ARF4: variants seen among roughly 807,000 people sequenced by gnomAD.
ARF4 encodes ARF GTPase 4, also known as ADP-ribosylation factor 4.
ARF4 carries 5 observed loss-of-function variants against 24.3 expected under a neutral mutation model. The observed-to-expected ratio is 0.21, with a 90% confidence interval of 0.11 to 0.43. The LOEUF (loss-of-function observed/expected upper bound fraction) is 0.43, where lower values mean the gene tolerates loss of function less well. Among genes scored for constraint, ARF4 ranks in the 20% least tolerant of loss-of-function variants. The pLI, the probability that ARF4 is intolerant of heterozygous loss-of-function variation, is 1.00. For synonymous variants in ARF4, 62 were observed against 73.5 expected, an observed-to-expected ratio of 0.84 and a Z score of 0.80; for missense variants, 107 against 213.0, an observed-to-expected ratio of 0.50 and a Z score of 3.10.
intron 3 of ARF4, among the ~76,000 whole-genome samples, chr3:57,583,249 G>T (rs952364481): frequency 6.6e-6 from 1 of 152,142 alleles, no homozygotes; most frequent in Non-Finnish European, 1.5e-5. Flanking sequence ...TGATTGATAT[G>T]CATATTAAAG....
chr3:57,596,921 C>G, intron 1 of ARF4, 153 bp downstream of exon 1: 1 of 738,716 alleles, frequency 1.4e-6, no homozygotes, highest in Non-Finnish European at 2.2e-6. Context: ...ACCCTCCGCT[C>G]CATTGTTCCC....
chr3:57,591,745 G>A (rs569925424), intron 1 of ARF4, among the ~76,000 whole-genome samples: 27 of 152,234 alleles, frequency 1.8e-4, no homozygotes, highest in Non-Finnish European at 2.6e-4. Context: ...GATTACAGGC[G>A]TGAGCCACCG....
intron 5 of ARF4, among the ~76,000 whole-genome samples, chr3:57,573,772 G>C (rs928679422): frequency 4.6e-5 from 7 of 152,126 alleles, no homozygotes; most frequent in Non-Finnish European, 1.0e-4. Context: ...AGTAGAGACA[G>C]AGTTTTACCA....
intron 1 of ARF4, among the ~76,000 whole-genome samples, chr3:57,585,239 T>C (rs534333563): frequency 6.6e-6 from 1 of 152,342 alleles, no homozygotes; most frequent in South Asian, 2.1e-4. Flanking sequence ...TCTTAAGATT[T>C]GTAAAAATAT....
intron 3 of ARF4, among the ~76,000 whole-genome samples, chr3:57,581,652 T>C (rs954039726): frequency 1.3e-5 from 2 of 152,002 alleles, no homozygotes; most frequent in African/African-American, 4.8e-5. Flanking sequence ...AATACAAAAT[T>C]AGCCAGGTGT....
At chr3:57,589,737 C>T (rs576002695) in intron 1 of ARF4, among the ~76,000 whole-genome samples, 416 of 149,044 alleles carry the variant, frequency 2.8e-3, no homozygotes, top group Non-Finnish European at 4.9e-3. Context: ...AACAAAAAAC[C>T]CAAAAAAACA....
At chr3:57,585,787 G>A (rs935296764) in intron 1 of ARF4, among the ~76,000 whole-genome samples, 7 of 150,828 alleles carry the variant, frequency 4.6e-5, no homozygotes, top group Admixed American at 6.7e-5. Context: ...CTCAGCTTCC[G>A]GAGTAACTGG....
At chr3:57,583,054 A>G (rs979229841) in intron 3 of ARF4, among the ~76,000 whole-genome samples, 4 of 152,180 alleles carry the variant, frequency 2.6e-5, no homozygotes, top group African/African-American at 9.7e-5. Context: ...ACAACCTACA[A>G]TGCATAGAGA....
chr3:57,578,384 A>C (rs75348673), intron 3 of ARF4, among the ~76,000 whole-genome samples: 3,623 of 151,534 alleles, frequency 0.024, 68 homozygotes, highest in Non-Finnish European at 0.035. Flanking sequence ...TCAAAACCCT[A>C]TCTCTTAAAA....
intron 3 of ARF4, among the ~76,000 whole-genome samples, chr3:57,578,871 T>C (rs1312612918): frequency 6.7e-6 from 1 of 148,344 alleles, no homozygotes; most frequent in Non-Finnish European, 1.5e-5. Flanking sequence ...TGGGAAAGTA[T>C]AGAATTTTCA....
Position 57,575,458 on chromosome 3 carries a change from TAATA to T in ARF4, c.456+86_456+89del, listed in dbSNP as rs746108580. On this transcript the variant is annotated intron_variant, in intron 5 of 5. Coordinates refer to ENST00000303436, the MANE Select transcript of ARF4 (RefSeq NM_001660.4). ...GTGCTCATTATTTGTCCAAAGGAGA[TAATA>T]AATGTTTAAACTGAATATTAGCTTA... The T allele has an allele frequency of 4.6e-6, 6 of 1,297,672 alleles. No individual in the cohort carries two copies. In the South Asian group the frequency reaches 7.0e-5, roughly 15 times the overall value. The allele number at this position is 1,297,672 out of a possible 1,614,324, so 80.4% of individuals were successfully genotyped here.
At chr3:57,585,001 C>T (rs1295471068) in intron 1 of ARF4, among the ~76,000 whole-genome samples, 2 of 151,954 alleles carry the variant, frequency 1.3e-5, no homozygotes, top group Admixed American at 6.6e-5. Flanking sequence ...GTAGCTGGGA[C>T]TACAGGCGCC....
intron 1 of ARF4, among the ~76,000 whole-genome samples, chr3:57,589,673 G>A (rs946017267): frequency 4.0e-5 from 6 of 149,622 alleles, no homozygotes; most frequent in East Asian, 2.1e-4. Flanking sequence ...AGCCCATACC[G>A]CGCCACGGCA....
intron 1 of ARF4, among the ~76,000 whole-genome samples, chr3:57,586,096 TGTAA>T (rs1345016809): frequency 6.6e-6 from 1 of 152,176 alleles, no homozygotes; most frequent in East Asian, 1.9e-4. Context: ...ATTAAATGCT[TGTAA>T]GTATGAATCT....
At position 57,590,343 on chromosome 3, in the gene ARF4, G is replaced by A. The variant is rs143041234; in HGVS notation, c.68-5879C>T. 2.7e-3 allele frequency among the ~76,000 whole-genome samples: 408 copies of A among 150,022 alleles called. 1 individual carries two copies. The highest frequency in any genetic ancestry group is 9.4e-3 in the African/African-American group (383 of 40,828). On this transcript the variant is annotated intron_variant, in intron 1 of 5. Coordinates refer to ENST00000303436, the MANE Select transcript of ARF4 (RefSeq NM_001660.4). ...CTACTAAAAAATACAAAAATTAGCC[G>A]GGCGCAGTGGCGGGTGCCTGTAATC...
intron 1 of ARF4, among the ~76,000 whole-genome samples, chr3:57,585,024 C>T (rs1212636239): frequency 3.3e-5 from 5 of 152,004 alleles, no homozygotes; most frequent in East Asian, 1.9e-4. Context: ...CCACCACGCC[C>T]GGCTAATTTT....
rs775118095 is a variant in ARF4 at position 57,584,021 on chromosome 3, C to T, written c.149-14G>A. 1.3e-6 allele frequency: 2 copies of T among 1,523,734 alleles called. No homozygotes were observed. The highest frequency in any genetic ancestry group is 1.7e-5 in the Admixed American group (1 of 58,366). The allele number at this position is 1,523,734 out of a possible 1,614,324, so 94.4% of individuals were successfully genotyped here. A position where few individuals can be genotyped will look rare whatever the true frequency, so the allele number is the denominator to read the frequency against. The stretch of plus-strand genomic sequence containing the variant: ...CCACATTAAAACCTACAAAGAAAAA[C>T]AAAAATGACCGCTGTGCAGCGTCAT... On this transcript the variant is annotated splice_polypyrimidine_tract_variant and intron_variant, in intron 2 of 5. Transcript: ENST00000303436.
chr3:57,573,310 G>A (rs2069862965), intron 5 of ARF4, among the ~76,000 whole-genome samples: 1 of 151,922 alleles, frequency 6.6e-6, no homozygotes, highest in Admixed American at 6.6e-5. Context: ...AAACGTTCTT[G>A]CTTTTAAATG....
At chr3:57,579,662 T>C (rs894658934) in intron 3 of ARF4, among the ~76,000 whole-genome samples, 3 of 152,174 alleles carry the variant, frequency 2.0e-5, no homozygotes, top group Non-Finnish European at 4.4e-5. Context: ...CTAACACTTA[T>C]TTTACATCCA....
Sources: gnomAD v4.1 joint callset for allele counts (sites outside exome capture counted in the v4.1 genomes callset) on GRCh38, gnomAD v4.1.1 for gene constraint, MANE v1.5 for transcripts, NCBI Gene and HGNC (gene_info 2026-07-23, HGNC 2026-07-21) for gene names.